The following PANK2 variants were observed in gnomAD, a reference collection of about 807,000 sequenced individuals.
PANK2 encodes the protein pantothenate kinase 2.
In PANK2, 36 loss-of-function variants were observed where a neutral mutation model predicts 43.1. The observed-to-expected ratio is 0.84, with a 90% CI of 0.64 to 1.10. PANK2 has a LOEUF of 1.10. Among genes scored for constraint, PANK2 ranks in the 50% least tolerant of loss-of-function variants. The pLI is 0.00. For missense variants in PANK2, 576 were observed against 593.3 expected, an observed-to-expected ratio of 0.97 and a Z score of 0.30; for synonymous variants, 281 against 238.2, an observed-to-expected ratio of 1.18 and a Z score of -1.66.
rs143725982 is a variant in PANK2, at chr20:3,923,350, AT to A, written c.*63del. On this transcript the variant is annotated 3_prime_UTR_variant, in exon 7 of 7. Transcript: ENST00000610179. ...TCCACAATGGGATCTGTGGACTTTC[AT>A]TTTTTTAAGAGACTTACTCAATTTC... The A allele has an allele frequency of 1.3e-6, 2 of 1,567,464 alleles. No individual in the cohort carries two copies. Among genetic ancestry groups the A allele is most frequent in the Non-Finnish European group, 1.8e-6 (2 of 1,137,688 alleles).
intron 4 of PANK2, 43 bp from the exon 5 acceptor site, chr20:3,916,884 T>G: frequency 2.5e-6 from 4 of 1,612,236 alleles, no homozygotes; most frequent in Non-Finnish European, 3.4e-6. Flanking sequence ...TTGGGCTTTG[T>G]TGCTGTTGGT....
rs918316938 is a variant in PANK2 at position 3,918,770 on chromosome 20, T to C, written c.1306T>C (p.Leu436=). 6.2e-7 allele frequency: 1 copy of C among 1,614,262 alleles called. No homozygotes were observed. Among genetic ancestry groups the C allele is most frequent in the East Asian group, 2.2e-5 (1 of 44,890 alleles). The change falls in exon 6 of 7, where the codon TTG becomes CTG. Residue 436 remains leucine, a synonymous_variant. Coordinates refer to ENST00000610179, the MANE Select transcript of PANK2 (RefSeq NM_001386393.1). ...TTTGGATTATTGGTCCAAGGGGCAG[T>C]TGAAAGCACTTTTTTCGGAACACGA...
At chr20:3,893,817 T>C (rs575838008) in intron 1 of PANK2, among the ~76,000 whole-genome samples, 11 of 152,202 alleles carry the variant, frequency 7.2e-5, no homozygotes, top group Middle Eastern at 3.4e-3. Context: ...GCATTTCAGC[T>C]TCAGGGAATT....
At chr20:3,897,929 A>G (rs1010350824) in intron 1 of PANK2, among the ~76,000 whole-genome samples, 6 of 152,044 alleles carry the variant, frequency 3.9e-5, no homozygotes, top group Admixed American at 3.3e-4. Flanking sequence ...CGCTTGAACA[A>G]CTGGGAGGCG....
In PANK2 at chr20:3,929,761, A is replaced by G. The variant is rs1381392498; in HGVS notation, c.*6467A>G. On this transcript the variant is annotated 3_prime_UTR_variant, in exon 7 of 7. Transcript: ENST00000610179. ...TCCTGTCGCAGATAGAAAGTCAATC[A>G]GAAAAATCTGGTTGTGCTCTTGGAT... The G allele has an allele frequency of 1.3e-5, 2 of 152,292 alleles. No homozygotes were observed. The highest frequency in any genetic ancestry group is 4.8e-5 in the African/African-American group (2 of 41,484). 9.4% of individuals were successfully genotyped at this position (152,292 alleles called of 1,614,324 possible). A position where few individuals can be genotyped will look rare whatever the true frequency, so the allele number is the denominator to read the frequency against.
chr20:3,898,345 G>T (rs1430840988), intron 1 of PANK2, among the ~76,000 whole-genome samples: 1 of 151,950 alleles, frequency 6.6e-6, no homozygotes, highest in Non-Finnish European at 1.5e-5. Context: ...GATTACAGGC[G>T]CCCACCACCA....
At chr20:3,915,057 T>C (rs1304924812) in intron 4 of PANK2, among the ~76,000 whole-genome samples, 2 of 152,204 alleles carry the variant, frequency 1.3e-5, no homozygotes, top group African/African-American at 4.8e-5. Flanking sequence ...AATTCGCAAA[T>C]GTTTTGTCCC....
At chr20:3,896,812 C>T (rs1346553099) in intron 1 of PANK2, among the ~76,000 whole-genome samples, 1 of 152,164 alleles carries the variant, frequency 6.6e-6, no homozygotes, top group Non-Finnish European at 1.5e-5. Context: ...GCGTCTCTTC[C>T]TCTGAATCTT....
rs1393348020 is a variant in PANK2, at chr20:3,925,883, CCTT to C, written c.*2591_*2593del. 2.0e-5 allele frequency: 3 copies of C among 152,416 alleles called. No homozygotes were observed. Among genetic ancestry groups the C allele is most frequent in the African/African-American group, 7.2e-5 (3 of 41,448 alleles). 9.4% of individuals were successfully genotyped at this position (152,416 alleles called of 1,614,324 possible). ...ATCCCAGCTTACTGCCGTCTCACCA[CCTT>C]CAGGTTGTGAGGTGCCCATAAACTC... On this transcript the variant is annotated 3_prime_UTR_variant, in exon 7 of 7. Coordinates refer to ENST00000610179, the MANE Select transcript of PANK2 (RefSeq NM_001386393.1).
intron 1 of PANK2, among the ~76,000 whole-genome samples, chr20:3,893,468 A>T (rs796751851): frequency 1.6e-4 from 25 of 152,346 alleles, no homozygotes; most frequent in African/African-American, 6.0e-4. Flanking sequence ...TAACAAGAGA[A>T]CATACATTTT....
In PANK2 at chr20:3,889,637, T is replaced by C. The variant is rs750266345; in HGVS notation, c.207T>C (p.Ala69=). Residue 69 remains alanine (A), a synonymous_variant, in exon 1 of 7, where the codon GCT becomes GCC. Coordinates refer to ENST00000610179, the MANE Select transcript of PANK2 (RefSeq NM_001386393.1). ...CGGTGCCCGCGGTCGGGGCCTCGGC[T>C]GAGGGCACGAGGCGGGATCGACTGG... 1 of 1,575,418 alleles carries C rather than the reference T, an allele frequency of 6.3e-7. No individual in the cohort carries two copies. The highest frequency in any genetic ancestry group is 1.4e-5 in the African/African-American group (1 of 73,984).
At chr20:3,914,050 A>T (rs982219151) in intron 4 of PANK2, among the ~76,000 whole-genome samples, 1 of 151,974 alleles carries the variant, frequency 6.6e-6, no homozygotes, top group African/African-American at 2.4e-5. Flanking sequence ...TGGCCTCCCA[A>T]AGTGCTGGGA....
chr20:3,908,052 T>G lies in PANK2; in HGVS notation c.425T>G (p.Leu142Arg), dbSNP rs2146859529. The change falls in exon 2 of 7, where the codon CTG becomes CGG. Residue 142 changes from leucine to arginine, a missense_variant. Leu to Arg is a moderately radical substitution (Grantham distance 102). Around this residue, in one of 2 missense-constraint regions of PANK2, gnomAD observed 544 missense variants for 528.9 expected, o/e 1.03. Transcript: ENST00000610179. Reference sequence around the variant, plus strand: ...AGTCTTAAAAGCATTCGGAAGTACCTGACCTCCAATGTGGCTTATGGGTCT... The same window carrying G: ...AGTCTTAAAAGCATTCGGAAGTACCGGACCTCCAATGTGGCTTATGGGTCT... 1 of 1,614,200 alleles carries G rather than the reference T, an allele frequency of 6.2e-7. No individual in the cohort carries two copies. Among genetic ancestry groups the G allele is most frequent in the South Asian group, 1.1e-5 (1 of 91,086 alleles).
intron 3 of PANK2, among the ~76,000 whole-genome samples, chr20:3,912,206 A>G (rs975376312): frequency 2.0e-5 from 3 of 152,152 alleles, no homozygotes; most frequent in African/African-American, 7.2e-5. Context: ...GAGGCTCTTC[A>G]TACTTGGCAG....
intron 4 of PANK2, 79 bp from the exon 5 acceptor site, chr20:3,916,848 T>A (rs1402290532): frequency 6.3e-7 from 1 of 1,587,350 alleles, no homozygotes; most frequent in Non-Finnish European, 8.6e-7. Context: ...CTAATTTTAT[T>A]TCAATAAAGT....
At chr20:3,907,496 G>A (rs989924113) in intron 1 of PANK2, among the ~76,000 whole-genome samples, 1 of 152,092 alleles carries the variant, frequency 6.6e-6, no homozygotes, top group Non-Finnish European at 1.5e-5. Context: ...GAGGTTATAT[G>A]TTACATAGGT....
intron 6 of PANK2, chr20:3,921,818 C>G (rs372152366): frequency 3.9e-4 from 60 of 152,302 alleles, no homozygotes; most frequent in East Asian, 3.3e-3. Context: ...TCAAGTGATT[C>G]TCTTGTCTAA....
intron 4 of PANK2, among the ~76,000 whole-genome samples, chr20:3,912,845 G>A (rs1257875958): frequency 2.7e-5 from 4 of 150,862 alleles, no homozygotes; most frequent in Non-Finnish European, 5.9e-5. Context: ...AGGTACTTGG[G>A]AGGCTGAGGC....
At chr20:3,895,495 T>TTC (rs2090192385) in intron 1 of PANK2, among the ~76,000 whole-genome samples, 1 of 147,528 alleles carries the variant, frequency 6.8e-6, no homozygotes. Context: ...TTTTTTTTTT[T>TTC]TTCTTTTTTT....
Sources: gnomAD v4.1 joint callset for allele counts (sites outside exome capture counted in the v4.1 genomes callset) on GRCh38, gnomAD v4.1.1 for gene constraint, gnomAD v4.1.1 regional missense constraint, MANE v1.5 for transcripts, NCBI Gene and HGNC (gene_info 2026-07-23, HGNC 2026-07-21) for gene names.